The following CNTNAP2 variants were observed in gnomAD, a reference collection of about 807,000 sequenced individuals.
CNTNAP2 encodes contactin-associated protein-like 2.
Under a neutral mutation model 155.2 loss-of-function variants are expected in CNTNAP2, and 98 were observed. The observed-to-expected ratio is 0.63, with a 90% CI of 0.54 to 0.75. CNTNAP2 has a LOEUF of 0.75. CNTNAP2 is among the 30% of genes least tolerant of loss of function. The pLI is 0.00. For missense variants in CNTNAP2, 1,727 were observed against 1,688.1 expected, an observed-to-expected ratio of 1.02 and a Z score of -0.40; for synonymous variants, 651 against 631.2, an observed-to-expected ratio of 1.03 and a Z score of -0.47.
chr7:147,730,278 T>C (rs891853530), intron 13 of CNTNAP2, among the ~76,000 whole-genome samples: 4 of 152,108 alleles, frequency 2.6e-5, no homozygotes, highest in Admixed American at 1.3e-4. Context: ...TTTTGCTTTA[T>C]TGAGCTTCGC....
chr7:146,609,210 C>G (rs1446132189), intron 1 of CNTNAP2, among the ~76,000 whole-genome samples: 1 of 152,198 alleles, frequency 6.6e-6, no homozygotes, highest in Non-Finnish European at 1.5e-5. Context: ...GTGTTGCACT[C>G]ACATGCATCT....
chr7:147,323,830 C>T (rs957910378), intron 9 of CNTNAP2, among the ~76,000 whole-genome samples: 1 of 152,016 alleles, frequency 6.6e-6, no homozygotes, highest in African/African-American at 2.4e-5. Flanking sequence ...GCATTTATAT[C>T]TCTGTTATTC....
At chr7:147,676,344 A>G (rs113774414) in intron 13 of CNTNAP2, among the ~76,000 whole-genome samples, 1,590 of 152,152 alleles carry the variant, frequency 0.01, 25 homozygotes, top group African/African-American at 0.035. Context: ...TACAGTAACC[A>G]TGGCAACACA....
chr7:147,280,434 G>T (rs889833781), intron 8 of CNTNAP2, among the ~76,000 whole-genome samples: 1 of 151,796 alleles, frequency 6.6e-6, no homozygotes, highest in Non-Finnish European at 1.5e-5. Context: ...ATGCAAACTC[G>T]TTTACGAAAA....
intron 3 of CNTNAP2, among the ~76,000 whole-genome samples, chr7:146,867,211 C>T (rs1410515735): frequency 6.6e-6 from 1 of 152,036 alleles, no homozygotes; most frequent in African/African-American, 2.4e-5. Flanking sequence ...CTGTTGTTTC[C>T]TTCCTTGTGT....
At chr7:147,986,942 AT>A (rs1181977334) in intron 15 of CNTNAP2, among the ~76,000 whole-genome samples, 4 of 151,072 alleles carry the variant, frequency 2.6e-5, no homozygotes, top group Non-Finnish European at 5.9e-5. Context: ...AATAGAAGGC[AT>A]GAAAAAAAAA....
At chr7:147,248,560 CT>C (rs980826735) in intron 8 of CNTNAP2, among the ~76,000 whole-genome samples, 6 of 152,144 alleles carry the variant, frequency 3.9e-5, no homozygotes, top group Admixed American at 6.5e-5. Context: ...TGACCAAACT[CT>C]CTTAATAGTC....
At chr7:146,562,031 C>T (rs1798287625) in intron 1 of CNTNAP2, among the ~76,000 whole-genome samples, 1 of 152,092 alleles carries the variant, frequency 6.6e-6, no homozygotes, top group Admixed American at 6.6e-5. Context: ...CTCAAGCAAT[C>T]CTCCTGCCTT....
chr7:146,953,883 A>C (rs1171809968), intron 3 of CNTNAP2, among the ~76,000 whole-genome samples: 1 of 151,972 alleles, frequency 6.6e-6, no homozygotes, highest in African/African-American at 2.4e-5. Context: ...TCAGGTAAAA[A>C]AATATTTATT....
At chr7:148,238,340 T>G (rs1184802589) in intron 20 of CNTNAP2, among the ~76,000 whole-genome samples, 1 of 151,824 alleles carries the variant, frequency 6.6e-6, no homozygotes, top group African/African-American at 2.4e-5. Flanking sequence ...AGAGCGAAAC[T>G]CCATCTCAAA....
At chr7:146,530,080 T>C (rs932203694) in intron 1 of CNTNAP2, among the ~76,000 whole-genome samples, 1 of 152,070 alleles carries the variant, frequency 6.6e-6, no homozygotes, top group Non-Finnish European at 1.5e-5. Flanking sequence ...CTAAAAAATA[T>C]GGCAAAGTGA....
chr7:146,257,451 C>T (rs2084037843), intron 1 of CNTNAP2, among the ~76,000 whole-genome samples: 1 of 152,110 alleles, frequency 6.6e-6, no homozygotes, highest in African/African-American at 2.4e-5. Flanking sequence ...TTACTTATAC[C>T]TAGGTGTACT....
At chr7:147,775,369 ATATATATT>A (rs1286990446) in intron 13 of CNTNAP2, among the ~76,000 whole-genome samples, 4 of 87,980 alleles carry the variant, frequency 4.5e-5, no homozygotes, top group Non-Finnish European at 8.1e-5. Flanking sequence ...TTATAAATAT[ATATATATT>A]TATATATATT....
At chr7:147,486,483 C>T (rs930414925) in intron 11 of CNTNAP2, among the ~76,000 whole-genome samples, 1 of 151,990 alleles carries the variant, frequency 6.6e-6, no homozygotes, top group Admixed American at 6.6e-5. Context: ...TGCTTTAGCC[C>T]AACTATTTGA....
chr7:147,499,013 C>T (rs1337192636), intron 11 of CNTNAP2, among the ~76,000 whole-genome samples: 2 of 152,116 alleles, frequency 1.3e-5, no homozygotes, highest in African/African-American at 4.8e-5. Context: ...CCAGCAGTCT[C>T]TCTGTTGAGC....
At chr7:146,673,603 C>T (rs1270746536) in intron 1 of CNTNAP2, among the ~76,000 whole-genome samples, 2 of 152,188 alleles carry the variant, frequency 1.3e-5, no homozygotes, top group Non-Finnish European at 2.9e-5. Flanking sequence ...ACAGGGTCCA[C>T]CTGTTCAAAC....
At chr7:146,680,930 A>G (rs1485172009) in intron 1 of CNTNAP2, among the ~76,000 whole-genome samples, 1 of 152,188 alleles carries the variant, frequency 6.6e-6, no homozygotes, top group Admixed American at 6.5e-5. Flanking sequence ...TGGACTTAAT[A>G]TGGATTACTG....
At chr7:147,738,994 C>A (rs555596322) in intron 13 of CNTNAP2, among the ~76,000 whole-genome samples, 1 of 152,194 alleles carries the variant, frequency 6.6e-6, no homozygotes, top group African/African-American at 2.4e-5. Flanking sequence ...CCAAAAAATT[C>A]CTGTGACTGT....
intron 1 of CNTNAP2, among the ~76,000 whole-genome samples, chr7:146,223,887 CAA>C (rs1799248495): frequency 1.3e-5 from 2 of 152,198 alleles, no homozygotes; most frequent in African/African-American, 4.8e-5. Flanking sequence ...CTTAAATTTC[CAA>C]ACAGATTTGC....
Sources: allele counts gnomAD v4.1 joint callset (sites outside exome capture counted in the v4.1 genomes callset), GRCh38; gene constraint gnomAD v4.1.1; transcripts MANE v1.5; gene names NCBI Gene and HGNC (gene_info 2026-07-23, HGNC 2026-07-21).